The following INPP4B variants were observed in gnomAD, a reference collection of about 807,000 sequenced individuals.
INPP4B encodes inositol polyphosphate 4-phosphatase type II.
Under a neutral mutation model 122.5 loss-of-function variants are expected in INPP4B, and 55 were observed. The observed-to-expected ratio is 0.45, with a 90% confidence interval of 0.36 to 0.56. INPP4B has a LOEUF of 0.56. INPP4B is among the 20% of genes least tolerant of loss of function. The pLI is 0.00. For synonymous variants in INPP4B, 403 were observed against 388.7 expected (o/e 1.04, Z -0.43); for missense variants, 1,000 against 1,097.7 (o/e 0.91, Z 1.26).
At chr4:142,837,169 A>G (rs1471875766) in intron 1 of INPP4B, among the ~76,000 whole-genome samples, 2 of 151,140 alleles carry the variant, frequency 1.3e-5, no homozygotes, top group Non-Finnish European at 3.0e-5. Context: ...AAATAATAAT[A>G]ATAATAATAA....
chr4:142,067,247 C>A (rs561537099), intron 25 of INPP4B, among the ~76,000 whole-genome samples: 8 of 152,346 alleles, frequency 5.3e-5, no homozygotes, highest in African/African-American at 1.7e-4. Context: ...TCCAACAGAC[C>A]TGCAGCTGAG....
chr4:142,265,761 G>T (rs1742442395), intron 10 of INPP4B, among the ~76,000 whole-genome samples: 1 of 152,162 alleles, frequency 6.6e-6, no homozygotes, highest in Admixed American at 6.5e-5. Flanking sequence ...CTCACACACG[G>T]TGTGTATTGC....
At chr4:142,679,646 G>C (rs1461205146) in intron 2 of INPP4B, among the ~76,000 whole-genome samples, 1 of 151,744 alleles carries the variant, frequency 6.6e-6, no homozygotes, top group Non-Finnish European at 1.5e-5. Flanking sequence ...TAGGCAGTCT[G>C]TTCTGTGACA....
chr4:142,697,038 C>T (rs138283724), intron 2 of INPP4B, among the ~76,000 whole-genome samples: 55 of 152,120 alleles, frequency 3.6e-4, no homozygotes, highest in African/African-American at 1.3e-3. Flanking sequence ...ATGTCAGTTA[C>T]AGTTTATTAT....
intron 25 of INPP4B, among the ~76,000 whole-genome samples, chr4:142,053,161 A>G (rs779729260): frequency 2.0e-5 from 3 of 152,022 alleles, no homozygotes; most frequent in Non-Finnish European, 4.4e-5. Flanking sequence ...CTGCGTGTGA[A>G]AAGGACAGTG....
intron 2 of INPP4B, among the ~76,000 whole-genome samples, chr4:142,524,646 A>G (rs987056779): frequency 6.6e-6 from 1 of 152,228 alleles, no homozygotes; most frequent in African/African-American, 2.4e-5. Flanking sequence ...CCACATGATT[A>G]TCTCAATAGA....
intron 11 of INPP4B, among the ~76,000 whole-genome samples, chr4:142,245,114 A>C (rs564572350): frequency 6.6e-6 from 1 of 151,970 alleles, no homozygotes; most frequent in East Asian, 1.9e-4. Context: ...TAGATTCTGG[A>C]TATTAGCCCT....
At chr4:142,160,242 A>G (rs1819432876) in intron 17 of INPP4B, 116 bp downstream of exon 17, 2 of 722,456 alleles carry the variant, frequency 2.8e-6, no homozygotes, top group Non-Finnish European at 4.1e-6. Context: ...TTTATCCACA[A>G]TCAGTGTTAT....
chr4:142,314,609 A>T, intron 8 of INPP4B, 103 bp downstream of exon 8: 1 of 1,069,518 alleles, frequency 9.4e-7, no homozygotes. Flanking sequence ...TGTTAATGTA[A>T]TTCAATTTTA....
chr4:142,149,708 G>C (rs977788713), intron 17 of INPP4B, among the ~76,000 whole-genome samples: 5 of 152,184 alleles, frequency 3.3e-5, no homozygotes, highest in African/African-American at 1.2e-4. Context: ...AAATGAACTG[G>C]CTGGTCCCGT....
chr4:142,478,722 A>G (rs1820117506), intron 2 of INPP4B, among the ~76,000 whole-genome samples: 1 of 152,148 alleles, frequency 6.6e-6, no homozygotes, highest in East Asian at 1.9e-4. Flanking sequence ...ATCTATGTTC[A>G]TCAAGGATAT....
chr4:142,361,873 C>A (rs1785533284), intron 7 of INPP4B, among the ~76,000 whole-genome samples: 1 of 151,852 alleles, frequency 6.6e-6, no homozygotes, highest in Non-Finnish European at 1.5e-5. Flanking sequence ...AATAATAAAT[C>A]TATTATGTCA....
chr4:142,488,200 A>G (rs1821429419), intron 2 of INPP4B, among the ~76,000 whole-genome samples: 1 of 152,068 alleles, frequency 6.6e-6, no homozygotes, highest in Admixed American at 6.6e-5. Flanking sequence ...TATACAATAC[A>G]TGATTAATTT....
intron 2 of INPP4B, among the ~76,000 whole-genome samples, chr4:142,582,578 G>T (rs78815350): frequency 0.021 from 3,172 of 152,258 alleles, 48 homozygotes; most frequent in Middle Eastern, 0.082. Context: ...GATGGTGCTA[G>T]CTATGAATAG....
At chr4:142,614,052 G>A (rs1743153746) in intron 2 of INPP4B, among the ~76,000 whole-genome samples, 1 of 152,112 alleles carries the variant, frequency 6.6e-6, no homozygotes, top group Admixed American at 6.6e-5. Context: ...AATAGTAACT[G>A]AAACAGCATA....
chr4:142,334,712 G>T (rs1019824203), intron 7 of INPP4B, among the ~76,000 whole-genome samples: 1 of 152,122 alleles, frequency 6.6e-6, no homozygotes, highest in African/African-American at 2.4e-5. Flanking sequence ...GTGAAGCTAG[G>T]CAATTTTTTC....
In INPP4B at chr4:142,369,447, ATGCC is replaced by A. The variant is rs772266927; in HGVS notation, c.372+33487_372+33490del. The stretch of plus-strand genomic sequence containing the variant: ...ACAAAAATTAGCCAGGCGTGGTGGC[ATGCC>A]TGTAGTCCCCCGCTACTTGGGAGGC... On this transcript the variant is annotated intron_variant, in intron 7 of 25. Coordinates refer to ENST00000262992, the MANE Select transcript of INPP4B (RefSeq NM_001101669.3). 3.5e-4 allele frequency among the ~76,000 whole-genome samples: 53 copies of A among 151,690 alleles called. 1 individual carries two copies. The highest frequency in any genetic ancestry group is 6.3e-4 in the Non-Finnish European group (43 of 67,858).
chr4:142,461,943 C>A (rs1816825279), intron 3 of INPP4B, among the ~76,000 whole-genome samples: 1 of 152,122 alleles, frequency 6.6e-6, no homozygotes, highest in Admixed American at 6.6e-5. Flanking sequence ...AGGCTTCTTA[C>A]AATGGATATT....
chr4:142,197,305 T>C (rs1838759118), intron 14 of INPP4B, among the ~76,000 whole-genome samples: 1 of 152,086 alleles, frequency 6.6e-6, no homozygotes, highest in Non-Finnish European at 1.5e-5. Flanking sequence ...TTGTGTTCTC[T>C]GACTTGGATA....
Sources: allele counts gnomAD v4.1 joint callset (sites outside exome capture counted in the v4.1 genomes callset), GRCh38; gene constraint gnomAD v4.1.1; transcripts MANE v1.5; gene names NCBI Gene and HGNC (gene_info 2026-07-23, HGNC 2026-07-21).